The following SORCS2 variants were observed in gnomAD, a reference collection of about 807,000 sequenced individuals.
SORCS2 encodes sortilin related VPS10 domain containing receptor 2, also known as VPS10 domain-containing receptor SorCS2.
Under a neutral mutation model 141.6 loss-of-function variants are expected in SORCS2, and 100 were observed. The ratio of observed to expected loss-of-function variants is 0.71; its 90% confidence interval spans 0.60 to 0.83. The LOEUF is 0.83. SORCS2 is among the 40% of genes least tolerant of loss of function. The pLI, the probability that SORCS2 is intolerant of heterozygous loss-of-function variation, is 0.00. For missense variants in SORCS2, 1,646 were observed against 1,560.2 expected, an observed-to-expected ratio of 1.05 and a Z score of -0.93; for synonymous variants, 789 against 676.9, an observed-to-expected ratio of 1.17 and a Z score of -2.57.
At chr4:7,524,104 T>C (rs563309017) in intron 2 of SORCS2, among the ~76,000 whole-genome samples, 35 of 152,164 alleles carry the variant, frequency 2.3e-4, no homozygotes, top group African/African-American at 7.7e-4. Flanking sequence ...GAGAGGTGAA[T>C]AGAGTCGCCC....
intron 13 of SORCS2, among the ~76,000 whole-genome samples, 188 bp from the exon 14 acceptor site, chr4:7,703,989 A>G (rs1476329336): frequency 6.6e-6 from 1 of 152,234 alleles, no homozygotes; most frequent in Non-Finnish European, 1.5e-5. Context: ...AGTACAATGC[A>G]GATAAGCAGA....
chr4:7,558,575 G>A (rs1714301086), intron 3 of SORCS2, among the ~76,000 whole-genome samples: 1 of 152,208 alleles, frequency 6.6e-6, no homozygotes, highest in South Asian at 2.1e-4. Context: ...GTGACCTTGA[G>A]CATCTGACAG....
chr4:7,201,753 C>T lies in SORCS2; in HGVS notation c.480+8627C>T, dbSNP rs143124310. 7.2e-4 allele frequency among the ~76,000 whole-genome samples: 110 copies of T among 152,258 alleles called. No individual in the cohort carries two copies. The highest frequency in any genetic ancestry group is 2.5e-3 in the African/African-American group (105 of 41,550). On this transcript the variant is annotated intron_variant, in intron 1 of 26. Transcript: ENST00000507866. The surrounding 1 kb of genome is among the most constrained non-coding windows in gnomAD (Gnocchi z 4.4). ...TCTTACGAATGGCCCACTTTGTCCT[C>T]GCCCCTCCTTAGTCGCTAGTTTGGG...
chr4:7,711,517 G>A (rs897606763), intron 14 of SORCS2, among the ~76,000 whole-genome samples: 13 of 152,160 alleles, frequency 8.5e-5, no homozygotes, highest in South Asian at 2.1e-4. Context: ...AGCTGGACTG[G>A]AGAAGGCCCA....
chr4:7,454,570 A>T (rs1156394093), intron 2 of SORCS2, among the ~76,000 whole-genome samples: 56 of 42,244 alleles, frequency 1.3e-3, no homozygotes, highest in Admixed American at 2.7e-3. Flanking sequence ...TGGGGTCAGG[A>T]GCTGTGTGTT....
At chr4:7,330,787 A>T (rs1469381972) in intron 1 of SORCS2, among the ~76,000 whole-genome samples, 2 of 151,900 alleles carry the variant, frequency 1.3e-5, no homozygotes, top group Admixed American at 6.6e-5. Context: ...AACATTCCTG[A>T]GGTCTCTCAG....
chr4:7,414,639 T>A (rs901858220), intron 2 of SORCS2, among the ~76,000 whole-genome samples: 3 of 152,114 alleles, frequency 2.0e-5, no homozygotes, highest in Non-Finnish European at 4.4e-5. Context: ...TCTACAGAAG[T>A]AAAAACATGC....
intron 3 of SORCS2, among the ~76,000 whole-genome samples, chr4:7,557,049 C>T (rs962953775): frequency 6.6e-6 from 1 of 152,070 alleles, no homozygotes; most frequent in African/African-American, 2.4e-5. Context: ...TTACTTTCCT[C>T]CCTTGTACCA....
intron 2 of SORCS2, among the ~76,000 whole-genome samples, chr4:7,484,855 C>G (rs961122831): frequency 6.6e-6 from 1 of 152,126 alleles, no homozygotes; most frequent in Non-Finnish European, 1.5e-5. Context: ...CAGCCCACCT[C>G]CTCCATGCGG....
At chr4:7,326,978 G>A (rs141405555) in intron 1 of SORCS2, among the ~76,000 whole-genome samples, 2,567 of 152,330 alleles carry the variant, frequency 0.017, 33 homozygotes, top group Admixed American at 0.026. Flanking sequence ...GTGGCTGAGG[G>A]CCTCCGGGCC....
chr4:7,645,321 C>T (rs1721003778), intron 4 of SORCS2, among the ~76,000 whole-genome samples: 1 of 152,180 alleles, frequency 6.6e-6, no homozygotes, highest in Admixed American at 6.5e-5. Context: ...GTCCTGTGAG[C>T]TCAAGTCTGT....
At chr4:7,564,858 C>T (rs1339296228) in intron 3 of SORCS2, among the ~76,000 whole-genome samples, 1 of 152,220 alleles carries the variant, frequency 6.6e-6, no homozygotes, top group Non-Finnish European at 1.5e-5. Context: ...TTCTAGGCAG[C>T]TGTCTGGCTT....
At chr4:7,572,022 C>CTT (rs1560395779) in intron 3 of SORCS2, among the ~76,000 whole-genome samples, 2 of 152,160 alleles carry the variant, frequency 1.3e-5, no homozygotes, top group African/African-American at 4.8e-5. Context: ...CTGTGCTTTG[C>CTT]CCCTACGTAT....
intron 13 of SORCS2, among the ~76,000 whole-genome samples, chr4:7,703,622 G>A (rs1165131687): frequency 6.6e-6 from 1 of 152,120 alleles, no homozygotes; most frequent in Non-Finnish European, 1.5e-5. Flanking sequence ...AGCCTGGGGA[G>A]CAGGGAGGGC....
chr4:7,734,194 G>T (rs1353488431), intron 24 of SORCS2, 78 bp from the exon 25 acceptor site: 2 of 1,004,430 alleles, frequency 2.0e-6, no homozygotes, highest in South Asian at 3.0e-5. Context: ...ACGGGTGGGG[G>T]ACAGACGGGA....
intron 3 of SORCS2, among the ~76,000 whole-genome samples, chr4:7,632,316 C>T (rs1719945061): frequency 6.6e-6 from 1 of 152,136 alleles, no homozygotes; most frequent in Non-Finnish European, 1.5e-5. Context: ...GCCCCCAGAA[C>T]CCAGTGCAGG....
At chr4:7,527,749 C>T (rs1733787285) in intron 2 of SORCS2, among the ~76,000 whole-genome samples, 1 of 152,188 alleles carries the variant, frequency 6.6e-6, no homozygotes, top group Admixed American at 6.5e-5. Context: ...GCCTGGGGCC[C>T]TCATGCCAGG....
At chr4:7,698,889 A>C (rs572105755) in intron 12 of SORCS2, among the ~76,000 whole-genome samples, 1 of 151,060 alleles carries the variant, frequency 6.6e-6, no homozygotes, top group South Asian at 2.1e-4. Context: ...GCTGAGGAGG[A>C]AGGATGTCCA....
chr4:7,204,227 T>C (rs1727619366), intron 1 of SORCS2, among the ~76,000 whole-genome samples: 1 of 152,126 alleles, frequency 6.6e-6, no homozygotes, highest in African/African-American at 2.4e-5. Context: ...CAGTTTTTTT[T>C]CTTCTTGAGA....
Sources: allele counts gnomAD v4.1 joint callset (sites outside exome capture counted in the v4.1 genomes callset), GRCh38; gene constraint gnomAD v4.1.1; non-coding constraint Gnocchi (gnomAD v3.1); transcripts MANE v1.5; gene names NCBI Gene and HGNC (gene_info 2026-07-23, HGNC 2026-07-21).